CORO1C: variants seen among roughly 807,000 people sequenced by gnomAD.
CORO1C encodes coronin 1C, also known as coronin-1C.
Under a neutral mutation model 51.2 loss-of-function variants are expected in CORO1C, and 14 were observed. That is an observed-to-expected ratio of 0.27 (90% confidence interval 0.18 to 0.43). The LOEUF is 0.43. CORO1C is among the 20% of genes least tolerant of loss of function. CORO1C has a pLI of 1.00. For synonymous variants in CORO1C, 181 were observed against 210.5 expected, an observed-to-expected ratio of 0.86 and a Z score of 1.21; for missense variants, 417 against 607.8, an observed-to-expected ratio of 0.69 and a Z score of 3.30.
chr12:108,728,676 C>A (rs1029631410), intron 1 of CORO1C, among the ~76,000 whole-genome samples: 1 of 152,148 alleles, frequency 6.6e-6, no homozygotes, highest in Admixed American at 6.5e-5. Flanking sequence ...GAAAGGAGTA[C>A]AGAATCTTGT....
At position 108,647,032 on chromosome 12, in the gene CORO1C, C is replaced by A; in HGVS notation, c.*371G>T. The A allele has an allele frequency of 7.7e-6, 1 of 129,640 alleles. No individual in the cohort carries two copies. Among genetic ancestry groups the A allele is most frequent in the South Asian group, 3.6e-4 (1 of 2,774 alleles). The allele number at this position is 129,640 out of a possible 1,614,324, so 8.0% of individuals were successfully genotyped here. A position where few individuals can be genotyped will look rare whatever the true frequency, so the allele number is the denominator to read the frequency against. ...TATAAAAAGCAATGTGGCATTGGTC[C>A]CTATTCATTAAAAAAAAAAGGGTAC... On this transcript the variant is annotated 3_prime_UTR_variant, in exon 11 of 11. Transcript: ENST00000261401.
In CORO1C at chr12:108,678,339, A is replaced by T; in HGVS notation, c.251T>A (p.Leu84Gln). The change falls in exon 3 of 11, where the codon CTG (leucine) becomes CAG (glutamine). Residue 84 changes from leucine (L) to glutamine (Q), a missense_variant. Transcript: ENST00000261401. ...PTVCGHTGPVLDIDWCPHNDQ... is the reference protein window; with the variant it reads ...PTVCGHTGPVQDIDWCPHNDQ... ...GTTATGTGGGCACCAGTCTATGTCC[A>T]GCACTGGTCCTGTGTGGCCACATAC... 4 of 1,610,568 alleles carry T rather than the reference A, an allele frequency of 2.5e-6. No homozygotes were observed. Among genetic ancestry groups the T allele is most frequent in the East Asian group, 2.2e-5 (1 of 44,592 alleles).
intron 1 of CORO1C, among the ~76,000 whole-genome samples, chr12:108,722,574 A>T (rs2035497121): frequency 6.6e-6 from 1 of 152,236 alleles, no homozygotes; most frequent in African/African-American, 2.4e-5. Context: ...AATTAAACAG[A>T]TTCCTTCAGT....
At chr12:108,702,298 G>A (rs1455167199) in intron 1 of CORO1C, among the ~76,000 whole-genome samples, 1 of 152,144 alleles carries the variant, frequency 6.6e-6, no homozygotes, top group Non-Finnish European at 1.5e-5. Context: ...ACAAAACCAG[G>A]CTGGGTTTTC....
intron 1 of CORO1C, among the ~76,000 whole-genome samples, chr12:108,729,185 G>A (rs2035659251): frequency 6.6e-6 from 1 of 152,120 alleles, no homozygotes; most frequent in Non-Finnish European, 1.5e-5. Flanking sequence ...CTCATGGTTG[G>A]AGTGGATCCC....
intron 2 of CORO1C, 148 bp downstream of exon 2, chr12:108,700,976 G>A: frequency 1.2e-6 from 1 of 853,496 alleles, no homozygotes; most frequent in Admixed American, 2.0e-5. Context: ...AACTGATGTG[G>A]TTAGTAAGGC....
rs35452794 is a variant in CORO1C at position 108,679,170 on chromosome 12, TA to T, written c.196-777del. On this transcript the variant is annotated intron_variant, in intron 2 of 10. Transcript: ENST00000261401. ...AAAAAAAAAAAGAAATTTAAAAAGTTAAAAAAAAAAAAAAAAGAAAAGCTTT... is the reference window on the plus strand; with the variant it reads ...AAAAAAAAAAAGAAATTTAAAAAGTTAAAAAAAAAAAAAAAGAAAAGCTTT... Among the ~76,000 whole-genome samples the T allele has an allele frequency of 2.2e-3, 237 of 106,726 alleles. 1 individual carries two copies. The highest frequency in any genetic ancestry group is 5.7e-3 in the African/African-American group (158 of 27,498). The allele number at this position is 106,726 out of a possible 152,430, so 70.0% of individuals were successfully genotyped here. A position where few individuals can be genotyped will look rare whatever the true frequency, so the allele number is the denominator to read the frequency against.
Position 108,722,310 on chromosome 12 carries a change from G to T in CORO1C, c.-6+9119C>A, listed in dbSNP as rs560413713. Among the ~76,000 whole-genome samples, 5 of 152,294 alleles carry T rather than the reference G, an allele frequency of 3.3e-5. No homozygotes were observed. The East Asian group carries it at 9.6e-4, about 29-fold the overall frequency. On this transcript the variant is annotated intron_variant, in intron 1 of 10. Coordinates refer to ENST00000261401, the MANE Select transcript of CORO1C (RefSeq NM_014325.4). ...TTTGAACCATGTGCTTTGCTACCAT[G>T]ATTTAAAGAAAGTGAGCTTAACCAG... is the stretch of plus-strand genomic sequence containing the variant.
intron 7 of CORO1C, among the ~76,000 whole-genome samples, chr12:108,653,617 G>C (rs931454716): frequency 3.3e-5 from 5 of 152,188 alleles, no homozygotes; most frequent in Non-Finnish European, 7.3e-5. Flanking sequence ...TTACAAAAAT[G>C]AAATAATAAA....
At chr12:108,679,014 G>A (rs1407979951) in intron 2 of CORO1C, among the ~76,000 whole-genome samples, 1 of 150,160 alleles carries the variant, frequency 6.7e-6, no homozygotes, top group Non-Finnish European at 1.5e-5. Flanking sequence ...GGGAGGCTGA[G>A]GCAGGAGTAT....
At position 108,658,883 on chromosome 12, in the gene CORO1C, G is replaced by A; in HGVS notation, c.485C>T (p.Thr162Ile). The A allele has an allele frequency of 6.2e-7, 1 of 1,612,840 alleles. No homozygotes were observed. Among genetic ancestry groups the A allele is most frequent in the South Asian group, 1.1e-5 (1 of 91,018 alleles). The part of the protein sequence containing the change: ...DNAIIIWNVG[T>I]GEALINLDDM... ...GTCCAAGTTTATAAGGGCTTCCCCT[G>A]TTCCCACATTCCAGATGATAATGGC... is the stretch of plus-strand genomic sequence containing the variant. The change falls in exon 5 of 11, where the codon ACA becomes ATA. Residue 162 changes from threonine (T) to isoleucine (I), a missense_variant. Coordinates refer to ENST00000261401, the MANE Select transcript of CORO1C (RefSeq NM_014325.4). This position sits in a 1 kb window ranked among gnomAD's most constrained non-coding sequence, Gnocchi z 4.9.
chr12:108,694,727 C>G (rs1345990460), intron 2 of CORO1C, among the ~76,000 whole-genome samples: 1 of 152,056 alleles, frequency 6.6e-6, no homozygotes, highest in African/African-American at 2.4e-5. Flanking sequence ...TGAAAGGAAT[C>G]CCTCAATTAT....
chr12:108,668,067 A>G (rs2033558745), intron 3 of CORO1C, among the ~76,000 whole-genome samples: 1 of 152,208 alleles, frequency 6.6e-6, no homozygotes, highest in Non-Finnish European at 1.5e-5. Flanking sequence ...AAAGGGTTAC[A>G]CCCCCAAAAG....
chr12:108,678,249 C>T, intron 3 of CORO1C, 23 bp downstream of exon 3: 1 of 1,600,900 alleles, frequency 6.2e-7, no homozygotes, highest in Non-Finnish European at 8.5e-7. Context: ...GGCCTGTGTG[C>T]ACACAACACC....
At chr12:108,692,802 T>TTTG (rs1352310801) in intron 2 of CORO1C, among the ~76,000 whole-genome samples, 1 of 148,196 alleles carries the variant, frequency 6.7e-6, no homozygotes, top group African/African-American at 2.5e-5. Context: ...AGCTTTTTTT[T>TTTG]TTTTTTTTTT....
chr12:108,660,532 T>C (rs1285548582), intron 4 of CORO1C, among the ~76,000 whole-genome samples: 1 of 151,172 alleles, frequency 6.6e-6, no homozygotes, highest in African/African-American at 2.4e-5. Flanking sequence ...AGCTAAACTC[T>C]GGGATGGACA....
At chr12:108,720,649 G>A (rs989095549) in intron 1 of CORO1C, among the ~76,000 whole-genome samples, 1 of 151,692 alleles carries the variant, frequency 6.6e-6, no homozygotes, top group Admixed American at 6.6e-5. Context: ...TCAGCCTCCT[G>A]AGTAGCTGGG....
chr12:108,688,738 C>A lies in CORO1C; in HGVS notation c.196-10344G>T, dbSNP rs529096588. 1.1e-4 allele frequency among the ~76,000 whole-genome samples: 16 copies of A among 150,892 alleles called. No homozygotes were observed. The South Asian group carries it at 3.1e-3, about 30-fold the overall frequency. On this transcript the variant is annotated intron_variant, in intron 2 of 10. Coordinates refer to ENST00000261401, the MANE Select transcript of CORO1C (RefSeq NM_014325.4). ...CCTGGCCAACACGGTGAAACTTCAT[C>A]TCTACTAAAAATACAGGCCGGGCAC...
intron 1 of CORO1C, among the ~76,000 whole-genome samples, chr12:108,726,033 C>T (rs2035580532): frequency 6.6e-6 from 1 of 152,088 alleles, no homozygotes; most frequent in Admixed American, 6.6e-5. Flanking sequence ...GACAGGTTGG[C>T]CGTGTTGGCC....
Sources: allele counts gnomAD v4.1 joint callset (sites outside exome capture counted in the v4.1 genomes callset), GRCh38; gene constraint gnomAD v4.1.1; non-coding constraint Gnocchi (gnomAD v3.1); transcripts MANE v1.5; gene names NCBI Gene and HGNC (gene_info 2026-07-23, HGNC 2026-07-21).